The following PROM1 variants were observed in gnomAD, a reference collection of about 807,000 sequenced individuals.
PROM1 encodes prominin 1.
PROM1 carries 105 observed loss-of-function variants against 116.9 expected under a neutral mutation model. That is an observed-to-expected ratio of 0.90 (90% CI 0.77 to 1.06). The LOEUF is 1.06. Ranked by LOEUF, PROM1 falls within the 50% of genes least tolerant of loss-of-function variation. The pLI, the probability that PROM1 is intolerant of heterozygous loss-of-function variation, is 0.00. For synonymous variants in PROM1, 393 were observed against 387.0 expected (o/e 1.02, Z -0.18); for missense variants, 1,122 against 1,045.2 (o/e 1.07, Z -1.01).
chr4:15,972,156 C>T (rs1195923956), intron 26 of PROM1, among the ~76,000 whole-genome samples: 2 of 152,160 alleles, frequency 1.3e-5, no homozygotes, highest in Admixed American at 6.5e-5. Context: ...ATTGCCTCTC[C>T]TCCAGACAGT....
intron 23 of PROM1, among the ~76,000 whole-genome samples, chr4:15,980,986 G>T (rs1717754726): frequency 1.4e-5 from 1 of 71,896 alleles, no homozygotes; most frequent in Non-Finnish European, 3.2e-5. Flanking sequence ...ATTTTAGACA[G>T]AATCTCACTC....
intron 1 of PROM1, chr4:16,082,132 GGTCT>G (rs1745157443): frequency 6.6e-6 from 1 of 152,092 alleles, no homozygotes; most frequent in African/African-American, 2.4e-5. Flanking sequence ...GGCTATCTGG[GGTCT>G]GTCTGCTTCT....
At chr4:16,031,336 T>A (rs1210729970) in intron 5 of PROM1, among the ~76,000 whole-genome samples, 2 of 151,626 alleles carry the variant, frequency 1.3e-5, no homozygotes, top group Non-Finnish European at 2.9e-5. Flanking sequence ...GGCGTGTAAG[T>A]TTCAGGCTTA....
At chr4:15,983,346 G>T (rs1577824911) in intron 23 of PROM1, among the ~76,000 whole-genome samples, 1 of 152,092 alleles carries the variant, frequency 6.6e-6, no homozygotes, top group East Asian at 1.9e-4. Flanking sequence ...CATCAAAACA[G>T]CCCATGTAGG....
intron 2 of PROM1, among the ~76,000 whole-genome samples, chr4:16,059,367 A>G (rs1326461135): frequency 1.3e-5 from 2 of 152,146 alleles, no homozygotes; most frequent in Non-Finnish European, 2.9e-5. Context: ...GTATAGGTAA[A>G]CTGGTTCAAC....
chr4:16,066,488 G>A (rs1741563860), intron 2 of PROM1, among the ~76,000 whole-genome samples: 1 of 152,224 alleles, frequency 6.6e-6, no homozygotes, highest in South Asian at 2.1e-4. Context: ...TGCAGAGCTA[G>A]TGGACGTCAG....
chr4:16,069,251 A>C (rs1004538270), intron 2 of PROM1, among the ~76,000 whole-genome samples: 1 of 152,246 alleles, frequency 6.6e-6, no homozygotes, highest in Non-Finnish European at 1.5e-5. Context: ...AACAAAAAAC[A>C]AAAACCAAAA....
At chr4:16,024,203 A>C (rs928774767) in intron 7 of PROM1, 92 bp downstream of exon 7, 4 of 1,147,686 alleles carry the variant, frequency 3.5e-6, no homozygotes, top group South Asian at 1.4e-5. Context: ...TCTTCCCCCA[A>C]CTTTCACGTA....
At chr4:16,011,157 T>C (rs1726793556) in intron 11 of PROM1, among the ~76,000 whole-genome samples, 2 of 152,152 alleles carry the variant, frequency 1.3e-5, no homozygotes, top group African/African-American at 4.8e-5. Context: ...TCTATGTGGC[T>C]GGTGTCCTCT....
At chr4:15,985,348 A>G (rs1376967735) in intron 22 of PROM1, among the ~76,000 whole-genome samples, 1 of 152,194 alleles carries the variant, frequency 6.6e-6, no homozygotes, top group Non-Finnish European at 1.5e-5. Flanking sequence ...ACAATTGTAT[A>G]TATTTTAAAG....
intron 3 of PROM1, 60 bp from the exon 4 acceptor site, chr4:16,035,821 A>T: frequency 1.3e-6 from 2 of 1,516,784 alleles, no homozygotes; most frequent in African/African-American, 1.4e-5. Flanking sequence ...AAGAAAACAG[A>T]CAGAAAAAGT....
At chr4:16,051,018 G>C (rs1737752901) in intron 2 of PROM1, among the ~76,000 whole-genome samples, 1 of 152,208 alleles carries the variant, frequency 6.6e-6, no homozygotes, top group African/African-American at 2.4e-5. Flanking sequence ...GTGGGGAGAT[G>C]CAGGCATATA....
At chr4:15,979,837 TC>T in intron 25 of PROM1, 43 bp downstream of exon 25, 1 of 1,412,816 alleles carries the variant, frequency 7.1e-7, no homozygotes, top group Non-Finnish European at 9.7e-7. Flanking sequence ...AATATCAACC[TC>T]CCCCATCCCA....
rs1027254218 is a variant in PROM1, at chr4:16,000,747, T to C, written c.1455-128A>G. 5 of 786,070 alleles carry C rather than the reference T, an allele frequency of 6.4e-6. No homozygotes were observed. In the African/African-American group the frequency reaches 7.1e-5, roughly 11 times the overall value. 48.7% of individuals were successfully genotyped at this position (786,070 alleles called of 1,614,324 possible). A position where few individuals can be genotyped will look rare whatever the true frequency, so the allele number is the denominator to read the frequency against. ...TTCAGTGTTATTCAGGTGAAACAGA[T>C]CATCCACCTAGGAGTGACACAGGGC... On this transcript the variant is annotated intron_variant, in intron 13 of 27. Coordinates refer to ENST00000447510, the MANE Select transcript of PROM1 (RefSeq NM_006017.3).
At chr4:16,083,384 G>A (rs1400249746) in intron 1 of PROM1, 1 of 150,218 alleles carries the variant, frequency 6.7e-6, no homozygotes, top group Non-Finnish European at 1.5e-5. Flanking sequence ...GACCCAAGCG[G>A]GGCGTCGCGG....
chr4:15,985,132 C>CT lies in PROM1; in HGVS notation c.2280+627dup, dbSNP rs527575456. 1.6e-3 allele frequency among the ~76,000 whole-genome samples: 251 copies of CT among 152,190 alleles called. 1 individual carries two copies. Among genetic ancestry groups the CT allele is most frequent in the African/African-American group, 5.8e-3 (241 of 41,536 alleles). On this transcript the variant is annotated intron_variant, in intron 22 of 27. Coordinates refer to ENST00000447510, the MANE Select transcript of PROM1 (RefSeq NM_006017.3). ...TGTACCTTTACTGAACATGTACAGACTTTTTTTAATACAGTATACCAACTA... is the reference window on the plus strand; with the variant it reads ...TGTACCTTTACTGAACATGTACAGACTTTTTTTTAATACAGTATACCAACTA...
intron 13 of PROM1, 32 bp downstream of exon 13, chr4:16,006,506 C>T (rs756812607): frequency 1.3e-6 from 2 of 1,552,270 alleles, no homozygotes; most frequent in Admixed American, 3.8e-5. Flanking sequence ...TGCATTCCCA[C>T]TCCCACATGA....
chr4:16,016,693 T>A (rs1465230400), intron 9 of PROM1, among the ~76,000 whole-genome samples: 2 of 152,162 alleles, frequency 1.3e-5, no homozygotes, highest in Admixed American at 6.5e-5. Flanking sequence ...ACGAACATCA[T>A]ATGCCTCCCA....
At position 15,987,681 on chromosome 4, in the gene PROM1, G is replaced by T; in HGVS notation, c.2112C>A (p.Arg704=). The T allele has an allele frequency of 1.9e-6, 3 of 1,611,390 alleles. No individual in the cohort carries two copies. The highest frequency in any genetic ancestry group is 2.5e-6 in the Non-Finnish European group (3 of 1,179,108). The part of the protein sequence containing the change: ...TLYQSVKILQ[R]TGNGLLERVT... Reference sequence around the variant, plus strand: ...CCCTTACCAACAATCCATTCCCTGTGCGTTGAAGTATCTTGACGCTTTGGT... The same window carrying T: ...CCCTTACCAACAATCCATTCCCTGTTCGTTGAAGTATCTTGACGCTTTGGT... The change falls in exon 20 of 28, where the codon CGC becomes CGA. Residue 704 remains arginine (R), a synonymous_variant. Coordinates refer to ENST00000447510, the MANE Select transcript of PROM1 (RefSeq NM_006017.3).
Sources: allele counts gnomAD v4.1 joint callset (sites outside exome capture counted in the v4.1 genomes callset), GRCh38; gene constraint gnomAD v4.1.1; transcripts MANE v1.5; gene names NCBI Gene and HGNC (gene_info 2026-07-23, HGNC 2026-07-21).